Variants in ANTXRL observed in about 807,000 individuals in gnomAD.
ANTXRL encodes anthrax toxin receptor-like.
A neutral mutation model predicts 75.4 loss-of-function variants in ANTXRL; 63 were observed. The ratio of observed to expected loss-of-function variants is 0.84; its 90% CI spans 0.68 to 1.03. ANTXRL has a LOEUF of 1.03. Ranked by LOEUF, ANTXRL falls within the 50% of genes least tolerant of loss-of-function variation. The pLI is 0.00. For synonymous variants in ANTXRL, 335 were observed against 291.3 expected, an observed-to-expected ratio of 1.15 and a Z score of -1.53; for missense variants, 797 against 789.4, an observed-to-expected ratio of 1.01 and a Z score of -0.12.
Position 46,313,248 on chromosome 10 carries a change from A to G in ANTXRL, c.1342A>G (p.Thr448Ala). 1 of 1,535,784 alleles carries G rather than the reference A, an allele frequency of 6.5e-7. No homozygotes were observed. The highest frequency in any genetic ancestry group is 1.2e-5 in the South Asian group (1 of 84,048). ...GMRRIEGNLDTFCDLSHASCH... is the reference protein window; with the variant it reads ...GMRRIEGNLDAFCDLSHASCH... ...CGTTGCTTTTCAGGGCAATCTGGATACCTTTTGTGACCTCTCTCACGCAAG... is the reference window on the plus strand; with the variant it reads ...CGTTGCTTTTCAGGGCAATCTGGATGCCTTTTGTGACCTCTCTCACGCAAG... The change falls in exon 16 of 17, where the codon ACC becomes GCC. Residue 448 changes from threonine to alanine, a missense_variant. Transcript: ENST00000620264.
In ANTXRL at chr10:46,302,825, G is replaced by C; in HGVS notation, c.895+5G>C. 6.5e-7 allele frequency: 1 copy of C among 1,526,918 alleles called. No homozygotes were observed. Among genetic ancestry groups the C allele is most frequent in the South Asian group, 1.2e-5 (1 of 83,860 alleles). The allele number at this position is 1,526,918 out of a possible 1,614,324, so 94.6% of individuals were successfully genotyped here. A position where few individuals can be genotyped will look rare whatever the true frequency, so the allele number is the denominator to read the frequency against. ...TCAATGAAAGCACTATCATTGGTAA[G>C]TTGTCTCCTCTGTGCCTCTGAGTCA... On this transcript the variant is annotated splice_donor_5th_base_variant and intron_variant, in intron 10 of 16. Coordinates refer to ENST00000620264, the MANE Select transcript of ANTXRL (RefSeq NM_001278688.3).
At chr10:46,301,004 A>G (rs1368820382) in intron 9 of ANTXRL, among the ~76,000 whole-genome samples, 2 of 139,436 alleles carry the variant, frequency 1.4e-5, no homozygotes, top group East Asian at 4.4e-4. Flanking sequence ...CTCTCTCTTC[A>G]TCCATCCACC....
intron 2 of ANTXRL, among the ~76,000 whole-genome samples, chr10:46,293,389 CCT>C (rs1554957284): frequency 1.3e-4 from 14 of 110,778 alleles, no homozygotes; most frequent in East Asian, 2.8e-4. Flanking sequence ...TGAGTGTGTG[CCT>C]GTGTGTGTGA....
At position 46,292,051 on chromosome 10, in the gene ANTXRL, G is replaced by A; in HGVS notation, c.249-7G>A. The stretch of plus-strand genomic sequence containing the variant: ...ATCTCCCTGACCCACATCTCCTTTT[G>A]TTTTAGGTCTGGCAGCGTGAACAAT... On this transcript the variant is annotated splice_region_variant and splice_polypyrimidine_tract_variant and intron_variant, in intron 1 of 16. Coordinates refer to ENST00000620264, the MANE Select transcript of ANTXRL (RefSeq NM_001278688.3). The A allele has an allele frequency of 6.5e-7, 1 of 1,536,116 alleles. No individual in the cohort carries two copies. The highest frequency in any genetic ancestry group is 2.4e-5 in the East Asian group (1 of 40,916).
chr10:46,328,440 G>C (rs1554966885), intron 16 of ANTXRL, among the ~76,000 whole-genome samples: 1 of 152,108 alleles, frequency 6.6e-6, no homozygotes, highest in African/African-American at 2.4e-5. Flanking sequence ...GGCTTCTGGA[G>C]CTCCAGCCAT....
chr10:46,316,953 G>C (rs1554964813), intron 16 of ANTXRL, among the ~76,000 whole-genome samples: 1 of 152,054 alleles, frequency 6.6e-6, no homozygotes, highest in Admixed American at 6.6e-5. Context: ...GAGTGTGTGG[G>C]CATGTGAGTG....
intron 15 of ANTXRL, among the ~76,000 whole-genome samples, chr10:46,312,115 C>T (rs1838464530): frequency 6.7e-6 from 1 of 149,056 alleles, no homozygotes; most frequent in South Asian, 2.1e-4. Flanking sequence ...CATGTTCTCA[C>T]CACCACGAAC....
At chr10:46,317,071 A>G (rs1332405780) in intron 16 of ANTXRL, among the ~76,000 whole-genome samples, 2 of 152,184 alleles carry the variant, frequency 1.3e-5, no homozygotes, top group Non-Finnish European at 2.9e-5. Context: ...ATAACTGAGT[A>G]AATAATTATG....
intron 16 of ANTXRL, among the ~76,000 whole-genome samples, chr10:46,328,997 C>A (rs1449308623): frequency 6.6e-6 from 1 of 152,246 alleles, no homozygotes; most frequent in South Asian, 2.1e-4. Context: ...GAGAGAAAGG[C>A]ATCACAGATG....
Position 46,309,608 on chromosome 10 carries a change from C to T in ANTXRL, c.1134+406C>T, listed in dbSNP as rs113934750. Among the ~76,000 whole-genome samples the T allele has an allele frequency of 2.8e-3, 427 of 152,334 alleles. 2 individuals are homozygous for T. Among genetic ancestry groups the T allele is most frequent in the African/African-American group, 9.2e-3 (384 of 41,564 alleles). ...AGAGAGGGGCCCCCATGAGGCCCTG[C>T]TGGCCCAAATGGAGGACGCTGTAAC... On this transcript the variant is annotated intron_variant, in intron 13 of 16. Coordinates refer to ENST00000620264, the MANE Select transcript of ANTXRL (RefSeq NM_001278688.3).
chr10:46,294,587 A>G (rs1211035135), intron 3 of ANTXRL, among the ~76,000 whole-genome samples: 7 of 152,134 alleles, frequency 4.6e-5, no homozygotes, highest in Admixed American at 2.0e-4. Context: ...TGAGGACTGG[A>G]TGGGGGACTG....
chr10:46,303,596 G>T (rs1213680733), intron 10 of ANTXRL, among the ~76,000 whole-genome samples: 1 of 152,170 alleles, frequency 6.6e-6, no homozygotes, highest in Non-Finnish European at 1.5e-5. Context: ...AGGATTTTGG[G>T]TGTGGATTTT....
At chr10:46,295,252 A>G (rs61845179) in intron 3 of ANTXRL, among the ~76,000 whole-genome samples, 61,085 of 151,754 alleles carry the variant, frequency 0.4, 12,035 homozygotes, top group Non-Finnish European at 0.47. Context: ...GTCTGGGGTC[A>G]TTGGGCTGGG....
intron 16 of ANTXRL, among the ~76,000 whole-genome samples, chr10:46,316,109 T>A (rs1838711416): frequency 6.6e-6 from 1 of 152,104 alleles, no homozygotes; most frequent in Non-Finnish European, 1.5e-5. Flanking sequence ...ACAATATCAC[T>A]CGATCCATCA....
At chr10:46,312,193 T>C (rs146528085) in intron 15 of ANTXRL, among the ~76,000 whole-genome samples, 18,405 of 140,776 alleles carry the variant, frequency 0.13, 1,219 homozygotes, top group Middle Eastern at 0.17. Context: ...GGAAAAGCTG[T>C]CACTGAGTGG....
intron 12 of ANTXRL, 114 bp downstream of exon 12, chr10:46,307,594 C>T (rs1838169142): frequency 2.0e-6 from 2 of 1,017,104 alleles, no homozygotes; most frequent in Non-Finnish European, 1.5e-6. Context: ...GTAGCGTGTG[C>T]AGCAGGCACC....
At chr10:46,326,641 A>T (rs570085921) in intron 16 of ANTXRL, among the ~76,000 whole-genome samples, 1 of 152,084 alleles carries the variant, frequency 6.6e-6, no homozygotes, top group South Asian at 2.1e-4. Flanking sequence ...GCCCAGGAGG[A>T]GTGAGGTGGG....
In ANTXRL at chr10:46,296,118, T is replaced by TCCTAACCCTAAC. The variant is rs375303420; in HGVS notation, c.474+38_474+49dup. On this transcript the variant is annotated intron_variant, in intron 4 of 16. Transcript: ENST00000620264. The stretch of plus-strand genomic sequence containing the variant: ...TTAGAAAGGTATAGACCCCTTGATC[T>TCCTAACCCTAAC]CCTAACCCTAACCCTAACCCTAACC... The TCCTAACCCTAAC allele has an allele frequency of 6.0e-5, 92 of 1,535,364 alleles. 1 individual carries two copies. In the East Asian group the frequency reaches 7.8e-4, roughly 13 times the overall value.
Position 46,311,559 on chromosome 10 carries a change from C to G in ANTXRL, c.1223C>G (p.Pro408Arg), listed in dbSNP as rs1554963489. ...TCACCACCACCACCGCCTCCGCCTC[C>G]ACCACCTCCACTCCCGCCTCCGCCC... ...PPSPPPPPPP[P>R]PPPLPPPPPA... Residue 408 changes from proline to arginine, a missense_variant, in exon 15 of 17, where the codon CCA becomes CGA. Pro to Arg is a moderately radical substitution (Grantham distance 103, BLOSUM62 -2). Coordinates refer to ENST00000620264, the MANE Select transcript of ANTXRL (RefSeq NM_001278688.3). 6.5e-7 allele frequency: 1 copy of G among 1,529,884 alleles called. No individual in the cohort carries two copies. The highest frequency in any genetic ancestry group is 1.4e-5 in the African/African-American group (1 of 72,836). 94.8% of individuals were successfully genotyped at this position (1,529,884 alleles called of 1,614,324 possible). A position where few individuals can be genotyped will look rare whatever the true frequency, so the allele number is the denominator to read the frequency against.
Sources: allele counts gnomAD v4.1 joint callset (sites outside exome capture counted in the v4.1 genomes callset), GRCh38; gene constraint gnomAD v4.1.1; transcripts MANE v1.5; gene names NCBI Gene and HGNC (gene_info 2026-07-23, HGNC 2026-07-21).